Variants in GBF1 observed in about 807,000 individuals in gnomAD.
The protein encoded by GBF1 is Golgi-specific brefeldin A-resistance guanine nucleotide exchange factor 1.
A neutral mutation model predicts 210.5 loss-of-function variants in GBF1; 114 were observed. That is an observed-to-expected ratio of 0.54 (90% CI 0.47 to 0.63). The LOEUF (loss-of-function observed/expected upper bound fraction) is 0.63. Among genes scored for constraint, GBF1 ranks in the 30% least tolerant of loss-of-function variants. The pLI is 0.00. For synonymous variants in GBF1, 850 were observed against 889.2 expected (o/e 0.96, Z 0.78); for missense variants, 1,851 against 2,357.7 (o/e 0.79, Z 4.45).
chr10:102,332,518 G>T (rs965274889), intron 3 of GBF1, among the ~76,000 whole-genome samples: 1 of 151,884 alleles, frequency 6.6e-6, no homozygotes, highest in Non-Finnish European at 1.5e-5. Context: ...AGAGTAGCTG[G>T]GATTACAGGT....
chr10:102,381,230 G>A lies in GBF1; in HGVS notation c.5277G>A (p.Glu1759=), dbSNP rs1181892839. 1 of 1,613,800 alleles carries A rather than the reference G, an allele frequency of 6.2e-7. No individual in the cohort carries two copies. ...TRTPGHPPPP[E]IPSELGACDF... is the part of the protein sequence containing the mutation. ...CACCTGGCCATCCACCGCCCCCAGA[G>A]ATTCCATCTGAGCTGGGGGCCTGTG... The change falls in exon 39 of 40, where the codon GAG becomes GAA. Residue 1759 remains glutamate, a synonymous_variant. Coordinates refer to ENST00000369983, the MANE Select transcript of GBF1 (RefSeq NM_001377137.1).
intron 32 of GBF1, 34 bp downstream of exon 32, chr10:102,376,834 A>G (rs773227734): frequency 6.2e-7 from 1 of 1,609,374 alleles, no homozygotes; most frequent in African/African-American, 1.3e-5. Flanking sequence ...GCTGGGGAGT[A>G]GCCATGCAAT....
chr10:102,246,732 T>G (rs2133849467), intron 1 of GBF1, among the ~76,000 whole-genome samples: 1 of 152,308 alleles, frequency 6.6e-6, no homozygotes, highest in South Asian at 2.1e-4. Flanking sequence ...GATAAACTGC[T>G]GTGTTGTAAA....
rs199616687 is a variant in GBF1, at chr10:102,261,293, C to T, written c.163+1177C>T. On this transcript the variant is annotated intron_variant, in intron 3 of 39. Coordinates refer to ENST00000369983, the MANE Select transcript of GBF1 (RefSeq NM_001377137.1). ...GTATATATATACACACACACACACA[C>T]ATATACACTGGCAGGAAAGGAGGAA... Among the ~76,000 whole-genome samples, 3 of 151,662 alleles carry T rather than the reference C, an allele frequency of 2.0e-5. No individual in the cohort carries two copies. The East Asian group carries it at 5.8e-4, about 29-fold the overall frequency.
chr10:102,366,268 A>G lies in GBF1; in HGVS notation c.2310-115A>G. On this transcript the variant is annotated intron_variant, in intron 18 of 39. Transcript: ENST00000369983. The surrounding 1 kb of genome is among the most constrained non-coding windows in gnomAD (Gnocchi z 4.0). Reference sequence around the variant, plus strand: ...GAACAGGAGATACTGCCCCTTTACTAGAGACCTCAGCCTCCTCTCTTCCAG... The same window carrying G: ...GAACAGGAGATACTGCCCCTTTACTGGAGACCTCAGCCTCCTCTCTTCCAG... The G allele has an allele frequency of 2.8e-6, 3 of 1,053,462 alleles. No individual in the cohort carries two copies. Among genetic ancestry groups the G allele is most frequent in the South Asian group, 2.8e-5 (2 of 71,242 alleles). The allele number at this position is 1,053,462 out of a possible 1,614,324, so 65.3% of individuals were successfully genotyped here.
chr10:102,261,054 T>A (rs1033514508), intron 3 of GBF1, among the ~76,000 whole-genome samples: 4 of 152,182 alleles, frequency 2.6e-5, no homozygotes, highest in African/African-American at 9.7e-5. Flanking sequence ...TATTGTCCCC[T>A]TTTTGTGAAA....
intron 3 of GBF1, among the ~76,000 whole-genome samples, chr10:102,264,701 C>T (rs1207915377): frequency 6.6e-6 from 1 of 152,228 alleles, no homozygotes; most frequent in Non-Finnish European, 1.5e-5. Context: ...TTTTGGAATT[C>T]TCATTGGAGT....
At chr10:102,292,286 A>G (rs994824474) in intron 3 of GBF1, among the ~76,000 whole-genome samples, 2 of 152,104 alleles carry the variant, frequency 1.3e-5, no homozygotes, top group African/African-American at 4.8e-5. Flanking sequence ...TGGGACAAAC[A>G]AACAGAAAAG....
rs777069924 is a variant in GBF1, at chr10:102,368,482, C to T, written c.2879+28C>T. On this transcript the variant is annotated intron_variant, in intron 22 of 39. Transcript: ENST00000369983. ...AGCCCAGCTTTGGCCTTGGTCTTCA[C>T]CTCCCACTAGCTCTGTGAGCTAACA... The T allele has an allele frequency of 4.2e-6, 5 of 1,200,612 alleles. No individual in the cohort carries two copies. In the African/African-American group the frequency reaches 6.0e-5, roughly 14 times the overall value. The allele number at this position is 1,200,612 out of a possible 1,614,324, so 74.4% of individuals were successfully genotyped here.
intron 1 of GBF1, among the ~76,000 whole-genome samples, chr10:102,254,063 G>C (rs2071999196): frequency 6.6e-6 from 1 of 152,032 alleles, no homozygotes. Flanking sequence ...CTTTATATTA[G>C]TTATATGTGC....
chr10:102,247,314 T>C (rs2070968236), intron 1 of GBF1, among the ~76,000 whole-genome samples: 5 of 152,200 alleles, frequency 3.3e-5, no homozygotes, highest in Admixed American at 2.0e-4. Context: ...GGGATGGCAT[T>C]ATTTATGCTT....
rs772856580 is a variant in GBF1, at chr10:102,382,053, C to T, written c.5303-3C>T. The T allele has an allele frequency of 2.0e-6, 3 of 1,532,326 alleles. No homozygotes were observed. 94.9% of individuals were successfully genotyped at this position (1,532,326 alleles called of 1,614,324 possible). A position where few individuals can be genotyped will look rare whatever the true frequency, so the allele number is the denominator to read the frequency against. On this transcript the variant is annotated splice_polypyrimidine_tract_variant and splice_region_variant and intron_variant, in intron 39 of 39. Transcript: ENST00000369983. ...GACTGTAACCACCTTGCTTTCCCTA[C>T]AGACTTTGAGAAGCCCGAGAGCCCC...
intron 1 of GBF1, among the ~76,000 whole-genome samples, chr10:102,246,400 A>ACTTATCTTCTGGGCCT (rs1300850145): frequency 2.0e-5 from 3 of 152,126 alleles, no homozygotes; most frequent in Non-Finnish European, 4.4e-5. Flanking sequence ...TAAACACTAT[A>ACTTATCTTCTGGGCCT]CTTATCTTCT....
At chr10:102,264,187 T>G (rs774705745) in intron 3 of GBF1, among the ~76,000 whole-genome samples, 1 of 152,136 alleles carries the variant, frequency 6.6e-6, no homozygotes. Context: ...AGGAGGCAAA[T>G]GTAGGCTGCA....
intron 9 of GBF1, 55 bp downstream of exon 9, chr10:102,358,241 CT>C: frequency 6.6e-7 from 1 of 1,505,104 alleles, no homozygotes; most frequent in Non-Finnish European, 9.1e-7. Flanking sequence ...TCCTTTCTCT[CT>C]TAGGGATTTT....
chr10:102,348,658 G>A (rs1211476044), intron 4 of GBF1, among the ~76,000 whole-genome samples: 1 of 152,164 alleles, frequency 6.6e-6, no homozygotes, highest in Non-Finnish European at 1.5e-5. Context: ...GAGGAGCTGG[G>A]TCACCCCATT....
chr10:102,255,784 A>C (rs1316966222), intron 1 of GBF1, among the ~76,000 whole-genome samples: 1 of 152,218 alleles, frequency 6.6e-6, no homozygotes. Flanking sequence ...GTGGTTGTAC[A>C]TTCATATCAT....
chr10:102,285,197 A>G (rs1004904737), intron 3 of GBF1, among the ~76,000 whole-genome samples: 2 of 152,240 alleles, frequency 1.3e-5, no homozygotes, highest in African/African-American at 4.8e-5. Flanking sequence ...TGCCAAAAGA[A>G]GAGTGTCAGT....
chr10:102,330,170 A>G (rs977891184), intron 3 of GBF1, among the ~76,000 whole-genome samples: 2 of 152,108 alleles, frequency 1.3e-5, no homozygotes, highest in Admixed American at 1.3e-4. Flanking sequence ...CCCCTGTACC[A>G]TAGCATGGTA....
Sources: gnomAD v4.1 joint callset for allele counts (sites outside exome capture counted in the v4.1 genomes callset) on GRCh38, gnomAD v4.1.1 for gene constraint, Gnocchi (gnomAD v3.1) non-coding constraint, MANE v1.5 for transcripts, NCBI Gene and HGNC (gene_info 2026-07-23, HGNC 2026-07-21) for gene names.